SLC39A11: variants seen among roughly 807,000 people sequenced by gnomAD.
The protein encoded by SLC39A11 is solute carrier family 39 member 11.
SLC39A11 carries 33 observed loss-of-function variants against 36.1 expected under a neutral mutation model. That is an observed-to-expected ratio of 0.91 (90% CI 0.69 to 1.22). The LOEUF (loss-of-function observed/expected upper bound fraction) is 1.22. Among genes scored for constraint, SLC39A11 ranks in the 50% most tolerant of loss-of-function variants. SLC39A11 has a pLI of 0.00. For missense variants in SLC39A11, 432 were observed against 430.3 expected (o/e 1.00, Z -0.03); for synonymous variants, 166 against 170.3 (o/e 0.97, Z 0.20).
At chr17:72,720,256 C>T (rs184181276) in intron 7 of SLC39A11, among the ~76,000 whole-genome samples, 8 of 152,250 alleles carry the variant, frequency 5.3e-5, no homozygotes, top group South Asian at 2.1e-4. Context: ...GATAAGATGA[C>T]GAAGTCAGCC....
chr17:72,828,215 G>A (rs2078112576), intron 6 of SLC39A11, among the ~76,000 whole-genome samples: 1 of 152,244 alleles, frequency 6.6e-6, no homozygotes, highest in Non-Finnish European at 1.5e-5. Flanking sequence ...AGGCACTAAG[G>A]TGGCTAACCA....
At chr17:72,676,070 T>TCTCACA (rs1555634314) in intron 7 of SLC39A11, among the ~76,000 whole-genome samples, 11,682 of 129,926 alleles carry the variant, frequency 0.09, 589 homozygotes, top group Non-Finnish European at 0.11. Context: ...TCACAATGTT[T>TCTCACA]CACACACACA....
chr17:73,008,821 A>G (rs560182713), intron 4 of SLC39A11, among the ~76,000 whole-genome samples: 4 of 152,178 alleles, frequency 2.6e-5, no homozygotes, highest in Admixed American at 1.3e-4. Flanking sequence ...TGGGAGGCTG[A>G]TGTGGAAGGA....
intron 6 of SLC39A11, among the ~76,000 whole-genome samples, chr17:72,769,842 T>C (rs529536841): frequency 2.0e-5 from 3 of 152,326 alleles, no homozygotes; most frequent in Admixed American, 1.3e-4. Flanking sequence ...ATTAGAGGCA[T>C]ATCTGATTGC....
chr17:73,059,422 T>C (rs1187080404), intron 3 of SLC39A11, among the ~76,000 whole-genome samples: 1 of 152,078 alleles, frequency 6.6e-6, no homozygotes, highest in African/African-American at 2.4e-5. Context: ...TCCCAGCACT[T>C]TGGGGAGGCT....
At chr17:72,818,859 A>C (rs2077671012) in intron 6 of SLC39A11, 1 of 152,208 alleles carries the variant, frequency 6.6e-6, no homozygotes, top group Non-Finnish European at 1.5e-5. Flanking sequence ...AGAATGATCC[A>C]TCCTTTTTAT....
intron 6 of SLC39A11, among the ~76,000 whole-genome samples, chr17:72,738,554 G>A (rs12019075): frequency 6.6e-6 from 1 of 152,100 alleles, no homozygotes; most frequent in Non-Finnish European, 1.5e-5. Context: ...ATGGCGCAGC[G>A]AGGGTCATGG....
At chr17:73,023,317 T>C (rs2058419524) in intron 4 of SLC39A11, among the ~76,000 whole-genome samples, 1 of 152,182 alleles carries the variant, frequency 6.6e-6, no homozygotes, top group Non-Finnish European at 1.5e-5. Flanking sequence ...ATAATGTGAC[T>C]GTATTTAGAG....
chr17:72,753,295 C>G (rs532294609), intron 6 of SLC39A11, among the ~76,000 whole-genome samples: 1 of 152,302 alleles, frequency 6.6e-6, no homozygotes, highest in Middle Eastern at 3.4e-3. Flanking sequence ...TGCCTGCACA[C>G]ATACCTTACA....
At chr17:72,718,214 G>A (rs1017829779) in intron 7 of SLC39A11, among the ~76,000 whole-genome samples, 1 of 152,186 alleles carries the variant, frequency 6.6e-6, no homozygotes, top group South Asian at 2.1e-4. Context: ...TGGGGAGGCT[G>A]AGGCGGACGG....
At chr17:72,793,595 AT>A (rs935190224) in intron 6 of SLC39A11, among the ~76,000 whole-genome samples, 3 of 151,538 alleles carry the variant, frequency 2.0e-5, no homozygotes, top group Admixed American at 6.6e-5. Context: ...TCTTTTTTTA[AT>A]TTTTTTTTAA....
rs560733408 is a variant in SLC39A11, at chr17:72,746,962, G to A, written c.602-10243C>T. On this transcript the variant is annotated intron_variant, in intron 6 of 9. Transcript: ENST00000255559. ...CTCAGGAGGCTGAGGAGGAAGGATCGTTTGAGCCCAAGAGGTCAAGGCTGC... is the reference window on the plus strand; with the variant it reads ...CTCAGGAGGCTGAGGAGGAAGGATCATTTGAGCCCAAGAGGTCAAGGCTGC... 3.0e-4 allele frequency among the ~76,000 whole-genome samples: 46 copies of A among 151,630 alleles called. No individual in the cohort carries two copies. In the South Asian group the frequency reaches 7.9e-3, roughly 26 times the overall value.
intron 4 of SLC39A11, among the ~76,000 whole-genome samples, chr17:72,990,713 G>C (rs946996882): frequency 2.0e-5 from 3 of 152,036 alleles, no homozygotes; most frequent in African/African-American, 7.2e-5. Flanking sequence ...CAGGCGTGAA[G>C]AACCGTGCCT....
chr17:72,966,542 G>A (rs2086991625), intron 4 of SLC39A11, among the ~76,000 whole-genome samples: 1 of 150,446 alleles, frequency 6.6e-6, no homozygotes, highest in Admixed American at 6.7e-5. Flanking sequence ...TTGAGGAAAG[G>A]AAGCTTCATC....
intron 6 of SLC39A11, among the ~76,000 whole-genome samples, chr17:72,737,011 C>T (rs1306800219): frequency 6.6e-6 from 1 of 152,170 alleles, no homozygotes; most frequent in African/African-American, 2.4e-5. Context: ...CACAGTGGCT[C>T]ATGCCTGTAA....
intron 6 of SLC39A11, among the ~76,000 whole-genome samples, chr17:72,783,067 C>T (rs1046218132): frequency 6.8e-5 from 10 of 147,044 alleles, no homozygotes; most frequent in Non-Finnish European, 1.3e-4. Context: ...AGAAAGCAGA[C>T]GATTCTCACC....
rs112566340 is a variant in SLC39A11 at position 72,745,248 on chromosome 17, G to A, written c.602-8529C>T. On this transcript the variant is annotated intron_variant, in intron 6 of 9. Coordinates refer to ENST00000255559, the MANE Select transcript of SLC39A11 (RefSeq NM_139177.4). Reference sequence around the variant, plus strand: ...ACCTGTACACGGTAGCTTGAGAAGTGCAATCACCTTGGTTTGGCAGAGCCC... The same window carrying A: ...ACCTGTACACGGTAGCTTGAGAAGTACAATCACCTTGGTTTGGCAGAGCCC... 7.5e-3 allele frequency among the ~76,000 whole-genome samples: 1,150 copies of A among 152,344 alleles called. 18 individuals carry two copies. Among genetic ancestry groups the A allele is most frequent in the African/African-American group, 0.026 (1,084 of 41,580 alleles).
chr17:73,065,510 C>G (rs1907192557), intron 3 of SLC39A11, among the ~76,000 whole-genome samples: 1 of 152,214 alleles, frequency 6.6e-6, no homozygotes, highest in Non-Finnish European at 1.5e-5. Context: ...TTCCCTGCCT[C>G]TTCCAATTCC....
rs72059767 is a variant in SLC39A11 at position 72,653,110 on chromosome 17, CT to C, written c.672-3843del. ...CTCTTCTGTTGCACGCTTTTTTTTT[CT>C]TTTTTTTTTTTGAGATGGAGTCTCG... On this transcript the variant is annotated intron_variant, in intron 7 of 9. Transcript: ENST00000255559. 5.7e-3 allele frequency among the ~76,000 whole-genome samples: 818 copies of C among 142,570 alleles called. 8 individuals are homozygous for C. The highest frequency in any genetic ancestry group is 0.019 in the African/African-American group (750 of 38,464). The allele number at this position is 142,570 out of a possible 152,430, so 93.5% of individuals were successfully genotyped here.
Sources: allele counts gnomAD v4.1 joint callset (sites outside exome capture counted in the v4.1 genomes callset), GRCh38; gene constraint gnomAD v4.1.1; transcripts MANE v1.5; gene names NCBI Gene and HGNC (gene_info 2026-07-23, HGNC 2026-07-21).